The following UTRN variants were observed in gnomAD, a reference collection of about 807,000 sequenced individuals.
UTRN encodes dystrophin-related protein 1.
UTRN carries 283 observed loss-of-function variants against 463.9 expected under a neutral mutation model. That is an observed-to-expected ratio of 0.61 (90% CI 0.55 to 0.67). UTRN has a LOEUF of 0.67. UTRN is among the 30% of genes least tolerant of loss of function. UTRN has a pLI of 0.00. For missense variants in UTRN, 3,922 were observed against 4,084.3 expected (o/e 0.96, Z 1.08); for synonymous variants, 1,442 against 1,431.5 (o/e 1.01, Z -0.17).
chr6:144,550,154 TG>T (rs1280897843), intron 47 of UTRN, among the ~76,000 whole-genome samples: 1 of 152,154 alleles, frequency 6.6e-6, no homozygotes, highest in Non-Finnish European at 1.5e-5. Context: ...CGTGTTGTGG[TG>T]GGGAGTCCTT....
chr6:144,419,000 C>T (rs1402109752), intron 3 of UTRN, among the ~76,000 whole-genome samples: 3 of 152,104 alleles, frequency 2.0e-5, no homozygotes, highest in South Asian at 2.1e-4. Context: ...TTGTTTCTCC[C>T]ATGCGCTTTA....
intron 51 of UTRN, among the ~76,000 whole-genome samples, chr6:144,623,300 A>G (rs1264547224): frequency 6.6e-6 from 1 of 152,232 alleles, no homozygotes; most frequent in Non-Finnish European, 1.5e-5. Flanking sequence ...TTGTGTATAT[A>G]AATTCATTTT....
chr6:144,660,934 A>G (rs978806393), intron 51 of UTRN, among the ~76,000 whole-genome samples: 1 of 152,250 alleles, frequency 6.6e-6, no homozygotes, highest in Non-Finnish European at 1.5e-5. Context: ...CTAGCCTGCC[A>G]AATACTACCT....
chr6:144,583,723 G>T, intron 51 of UTRN: 1 of 447,818 alleles, frequency 2.2e-6, no homozygotes, highest in South Asian at 7.0e-5. Flanking sequence ...AACTGATTGT[G>T]AAAGCTGTTA....
intron 2 of UTRN, among the ~76,000 whole-genome samples, chr6:144,301,868 C>T (rs1034022063): frequency 1.3e-5 from 2 of 152,042 alleles, no homozygotes; most frequent in African/African-American, 2.4e-5. Flanking sequence ...GCCCCACCCT[C>T]CCCCTCGCCC....
chr6:144,759,704 G>T (rs1792432618), intron 58 of UTRN, among the ~76,000 whole-genome samples: 1 of 152,088 alleles, frequency 6.6e-6, no homozygotes, highest in Non-Finnish European at 1.5e-5. Flanking sequence ...CTAGCTACTA[G>T]CTTGGAAGGT....
intron 2 of UTRN, among the ~76,000 whole-genome samples, chr6:144,400,702 G>A (rs776915142): frequency 4.6e-5 from 7 of 152,130 alleles, no homozygotes; most frequent in Non-Finnish European, 8.8e-5. Flanking sequence ...ACTGTATCAA[G>A]AGAATGAATG....
intron 46 of UTRN, among the ~76,000 whole-genome samples, chr6:144,545,318 G>A (rs1354259306): frequency 1.3e-5 from 2 of 152,196 alleles, no homozygotes; most frequent in Non-Finnish European, 2.9e-5. Flanking sequence ...GAGTTTGATT[G>A]TGTCGTTTCT....
chr6:144,838,203 C>T (rs1781262947), intron 71 of UTRN, among the ~76,000 whole-genome samples: 1 of 152,172 alleles, frequency 6.6e-6, no homozygotes, highest in South Asian at 2.1e-4. Context: ...CCTTGCCTTC[C>T]CCTACTCCCT....
At chr6:144,825,046 A>G (rs1159782558) in intron 66 of UTRN, among the ~76,000 whole-genome samples, 1 of 151,956 alleles carries the variant, frequency 6.6e-6, no homozygotes, top group Non-Finnish European at 1.5e-5. Context: ...AGCCTCCCAA[A>G]GTGCTGAGAT....
intron 41 of UTRN, among the ~76,000 whole-genome samples, chr6:144,528,498 A>G (rs555049849): frequency 3.3e-4 from 50 of 152,342 alleles, no homozygotes; most frequent in African/African-American, 1.2e-3. Context: ...TCCTTGATGT[A>G]GTGCTCTCCT....
chr6:144,346,457 T>G (rs1387661732), intron 2 of UTRN, among the ~76,000 whole-genome samples: 1 of 152,246 alleles, frequency 6.6e-6, no homozygotes, highest in Non-Finnish European at 1.5e-5. Flanking sequence ...ACTGATTTTT[T>G]TGTGTGTGTC....
At chr6:144,375,255 T>C (rs1290283577) in intron 2 of UTRN, among the ~76,000 whole-genome samples, 4 of 152,254 alleles carry the variant, frequency 2.6e-5, no homozygotes, top group Admixed American at 2.6e-4. Flanking sequence ...CTAAGCGCTG[T>C]GATCCTTTTA....
chr6:144,714,963 C>T (rs1786226852), intron 53 of UTRN, among the ~76,000 whole-genome samples: 1 of 151,448 alleles, frequency 6.6e-6, no homozygotes, highest in Admixed American at 6.6e-5. Flanking sequence ...CTTCCTGGTT[C>T]TTCCTTCTCT....
intron 2 of UTRN, among the ~76,000 whole-genome samples, chr6:144,319,876 C>T (rs1775523835): frequency 2.0e-5 from 3 of 147,052 alleles, no homozygotes; most frequent in South Asian, 2.1e-4. Context: ...TTTTTTGAGA[C>T]GGAGTCTTGT....
chr6:144,510,233 T>C (rs966722858), intron 34 of UTRN, among the ~76,000 whole-genome samples: 5 of 152,162 alleles, frequency 3.3e-5, no homozygotes, highest in Non-Finnish European at 7.4e-5. Flanking sequence ...GCTTTGTAGT[T>C]TTAATTGTGG....
intron 2 of UTRN, among the ~76,000 whole-genome samples, chr6:144,328,148 T>C (rs1045982916): frequency 2.0e-5 from 3 of 151,908 alleles, no homozygotes; most frequent in African/African-American, 7.3e-5. Flanking sequence ...GCCTTGATGG[T>C]TCAAGGATGA....
In UTRN at chr6:144,577,295, G is replaced by T; in HGVS notation, c.7479+7G>T. 1 of 1,613,012 alleles carries T rather than the reference G, an allele frequency of 6.2e-7. No individual in the cohort carries two copies. The highest frequency in any genetic ancestry group is 8.5e-7 in the Non-Finnish European group (1 of 1,179,422). On this transcript the variant is annotated splice_region_variant and intron_variant, in intron 51 of 74. Transcript: ENST00000367545. ...ACTCAAACAGCAGATGCAGGTAAGT[G>T]CATGGGAAACCACACCAGTACCTGT...
At chr6:144,771,860 T>G (rs1246858098) in intron 58 of UTRN, 47 bp from the exon 59 acceptor site, 1 of 1,511,116 alleles carries the variant, frequency 6.6e-7, no homozygotes, top group Non-Finnish European at 9.0e-7. Context: ...CTATATGAAG[T>G]TTTTTGATTT....
Sources: gnomAD v4.1 joint callset for allele counts (sites outside exome capture counted in the v4.1 genomes callset) on GRCh38, gnomAD v4.1.1 for gene constraint, MANE v1.5 for transcripts, NCBI Gene and HGNC (gene_info 2026-07-23, HGNC 2026-07-21) for gene names.